ADGRL3: variants seen among roughly 807,000 people sequenced by gnomAD.
The protein encoded by ADGRL3 is calcium-independent alpha-latrotoxin receptor 3.
ADGRL3 carries 62 observed loss-of-function variants against 153.5 expected under a neutral mutation model. That is an observed-to-expected ratio of 0.40 (90% CI 0.33 to 0.50). The LOEUF is 0.50. ADGRL3 is among the 20% of genes least tolerant of loss of function. The pLI, the probability that ADGRL3 is intolerant of heterozygous loss-of-function variation, is 0.47. For missense variants in ADGRL3, 1,641 were observed against 1,859.4 expected, an observed-to-expected ratio of 0.88 and a Z score of 2.16; for synonymous variants, 710 against 672.5, an observed-to-expected ratio of 1.06 and a Z score of -0.86.
In ADGRL3 at chr4:61,200,520, CGCCGCT is replaced by C. The variant is rs966050414; in HGVS notation, c.-1482_-1477del. Among the ~76,000 whole-genome samples, 2 of 151,718 alleles carry C rather than the reference CGCCGCT, an allele frequency of 1.3e-5. No homozygotes were observed. Among genetic ancestry groups the C allele is most frequent in the African/African-American group, 4.8e-5 (2 of 41,326 alleles). The stretch of plus-strand genomic sequence containing the variant: ...GGGTGGGCGCCGCCGCCGCCGCCGC[CGCCGCT>C]GCTGCTGGTTTTTCTCGGACTGCTC... On this transcript the variant is annotated 5_prime_UTR_variant, in exon 1 of 27. Transcript: ENST00000683033.
At chr4:61,551,099 G>A (rs969217846) in intron 4 of ADGRL3, among the ~76,000 whole-genome samples, 1 of 152,088 alleles carries the variant, frequency 6.6e-6, no homozygotes, top group African/African-American at 2.4e-5. Context: ...TTAGTAGGCT[G>A]TAAGTAAACA....
At position 61,895,848 on chromosome 4, in the gene ADGRL3, C is replaced by G; in HGVS notation, c.1887+14C>G. ...ATAACACAGAAGGTAAATCTTGTGA[C>G]TGACAAGAAAGTCTTTGCTAAAACT... On this transcript the variant is annotated intron_variant, in intron 11 of 26. Transcript: ENST00000683033. The G allele has an allele frequency of 6.9e-7, 1 of 1,451,466 alleles. No homozygotes were observed. Among genetic ancestry groups the G allele is most frequent in the Non-Finnish European group, 9.5e-7 (1 of 1,053,302 alleles). 89.9% of individuals were successfully genotyped at this position (1,451,466 alleles called of 1,614,324 possible).
intron 5 of ADGRL3, among the ~76,000 whole-genome samples, chr4:61,619,945 G>A (rs1357546716): frequency 6.6e-6 from 1 of 152,078 alleles, no homozygotes; most frequent in Non-Finnish European, 1.5e-5. Flanking sequence ...TCTGTGTCAA[G>A]TTTCTTTTCT....
At chr4:61,802,110 A>G (rs1274772237) in intron 8 of ADGRL3, among the ~76,000 whole-genome samples, 1 of 152,142 alleles carries the variant, frequency 6.6e-6, no homozygotes, top group African/African-American at 2.4e-5. Context: ...AAGATGTGTC[A>G]GTTGAATTAT....
chr4:61,629,426 A>C (rs1049566532), intron 5 of ADGRL3, among the ~76,000 whole-genome samples: 6 of 151,928 alleles, frequency 3.9e-5, no homozygotes, highest in Non-Finnish European at 5.9e-5. Context: ...ATTTTAAAAA[A>C]AAGTCCAAGT....
intron 1 of ADGRL3, among the ~76,000 whole-genome samples, chr4:61,278,421 A>G (rs2093580648): frequency 6.6e-6 from 1 of 152,230 alleles, no homozygotes; most frequent in Non-Finnish European, 1.5e-5. Context: ...TATTTCTAGT[A>G]GTAGTCTCAG....
intron 2 of ADGRL3, chr4:61,420,745 G>A (rs1459807980): frequency 7.4e-6 from 1 of 135,674 alleles, no homozygotes; most frequent in Non-Finnish European, 1.5e-5. Flanking sequence ...ATTTGTGTAA[G>A]TGGAAATACT....
chr4:61,565,125 A>T (rs771218974), intron 4 of ADGRL3, among the ~76,000 whole-genome samples: 1 of 152,210 alleles, frequency 6.6e-6, no homozygotes, highest in East Asian at 1.9e-4. Context: ...GACTTGCTGA[A>T]TGCAGGATTG....
At position 61,759,940 on chromosome 4, in the gene ADGRL3, A is replaced by G. The variant is rs192474215; in HGVS notation, c.1399+26386A>G. Among the ~76,000 whole-genome samples, 391 of 152,330 alleles carry G rather than the reference A, an allele frequency of 2.6e-3. 3 individuals are homozygous for G. Among genetic ancestry groups the G allele is most frequent in the African/African-American group, 8.3e-3 (345 of 41,588 alleles). On this transcript the variant is annotated intron_variant, in intron 8 of 26. Coordinates refer to ENST00000683033, the MANE Select transcript of ADGRL3 (RefSeq NM_001387552.1). ...TTGGAGTTTGCCGGAGGTCTGCTCC[A>G]GACCCTGTTTGCCTGGGTATCAGCA...
chr4:61,370,303 T>C (rs1277846274), intron 1 of ADGRL3, among the ~76,000 whole-genome samples: 1 of 151,568 alleles, frequency 6.6e-6, no homozygotes, highest in African/African-American at 2.4e-5. Flanking sequence ...GTTTTTCTAG[T>C]TCTTTTAATT....
At chr4:61,701,152 G>A (rs1444735794) in intron 6 of ADGRL3, among the ~76,000 whole-genome samples, 1 of 152,110 alleles carries the variant, frequency 6.6e-6, no homozygotes, top group Non-Finnish European at 1.5e-5. Context: ...AAAATCTAGA[G>A]GACTGGAGAA....
chr4:62,010,427 T>G lies in ADGRL3; in HGVS notation c.3395+12162T>G, dbSNP rs542378952. Among the ~76,000 whole-genome samples, 6 of 152,262 alleles carry G rather than the reference T, an allele frequency of 3.9e-5. No individual in the cohort carries two copies. In the South Asian group the frequency reaches 6.2e-4, roughly 16 times the overall value. On this transcript the variant is annotated intron_variant, in intron 21 of 26. Coordinates refer to ENST00000683033, the MANE Select transcript of ADGRL3 (RefSeq NM_001387552.1). The stretch of plus-strand genomic sequence containing the variant: ...GGTACGAAGAACAAATATTTATTTT[T>G]TATTACACCATTTCACTCTTGAGTT...
intron 9 of ADGRL3, among the ~76,000 whole-genome samples, chr4:61,851,905 C>A (rs1226877552): frequency 6.6e-6 from 1 of 152,086 alleles, no homozygotes; most frequent in African/African-American, 2.4e-5. Context: ...TGCCACACAC[C>A]TAGAGAAAAC....
At chr4:61,537,764 A>G (rs1308526827) in intron 4 of ADGRL3, among the ~76,000 whole-genome samples, 3 of 152,134 alleles carry the variant, frequency 2.0e-5, no homozygotes, top group East Asian at 1.9e-4. Flanking sequence ...CTATCACTAT[A>G]CTAAGATTGC....
intron 1 of ADGRL3, among the ~76,000 whole-genome samples, chr4:61,235,575 A>G (rs1752487339): frequency 6.6e-6 from 1 of 152,204 alleles, no homozygotes. Context: ...CTCCCAGGCC[A>G]GGAGTTTTCC....
intron 1 of ADGRL3, among the ~76,000 whole-genome samples, chr4:61,268,479 T>C (rs1490901225): frequency 6.6e-6 from 1 of 151,638 alleles, no homozygotes; most frequent in African/African-American, 2.4e-5. Flanking sequence ...AATAAAGTTG[T>C]ATAAGAATTT....
intron 8 of ADGRL3, among the ~76,000 whole-genome samples, chr4:61,809,854 TA>T (rs1434126076): frequency 2.6e-5 from 4 of 152,204 alleles, no homozygotes; most frequent in Middle Eastern, 3.4e-3. Context: ...TTCTGTGTAC[TA>T]AAAACTGTTT....
chr4:61,797,499 A>G (rs1165538061), intron 8 of ADGRL3, among the ~76,000 whole-genome samples: 1 of 152,192 alleles, frequency 6.6e-6, no homozygotes, highest in Non-Finnish European at 1.5e-5. Context: ...TGTAGCAATT[A>G]CCTAATTGAT....
chr4:61,287,572 T>G (rs2093988170), intron 1 of ADGRL3, among the ~76,000 whole-genome samples: 1 of 152,016 alleles, frequency 6.6e-6, no homozygotes, highest in African/African-American at 2.4e-5. Context: ...AAATTAATTC[T>G]GTATGTAGCT....
Sources: allele counts gnomAD v4.1 joint callset (sites outside exome capture counted in the v4.1 genomes callset), GRCh38; gene constraint gnomAD v4.1.1; transcripts MANE v1.5; gene names NCBI Gene and HGNC (gene_info 2026-07-23, HGNC 2026-07-21).